BCAS1: variants seen among roughly 807,000 people sequenced by gnomAD.
The protein encoded by BCAS1 is breast carcinoma-amplified sequence 1.
Under a neutral mutation model 65.4 loss-of-function variants are expected in BCAS1, and 46 were observed. That is an observed-to-expected ratio of 0.70 (90% CI 0.55 to 0.90). BCAS1 has a LOEUF of 0.90. Among genes scored for constraint, BCAS1 ranks in the 40% least tolerant of loss-of-function variants. The pLI is 0.00. For missense variants in BCAS1, 793 were observed against 771.2 expected, an observed-to-expected ratio of 1.03 and a Z score of -0.33; for synonymous variants, 298 against 293.5, an observed-to-expected ratio of 1.02 and a Z score of -0.16.
At chr20:53,964,475 G>A (rs1450967932) in intron 10 of BCAS1, among the ~76,000 whole-genome samples, 1 of 152,182 alleles carries the variant, frequency 6.6e-6, no homozygotes. Context: ...CAAAGATAAT[G>A]TTCGTGTTCC....
chr20:54,052,995 A>G, intron 3 of BCAS1, among the ~76,000 whole-genome samples: 1 of 152,258 alleles, frequency 6.6e-6, no homozygotes, highest in East Asian at 1.9e-4. Flanking sequence ...AGACAAATTG[A>G]GGATACTAAT....
intron 11 of BCAS1, 132 bp downstream of exon 11, chr20:53,957,300 C>T: frequency 2.6e-6 from 2 of 781,052 alleles, no homozygotes; most frequent in Non-Finnish European, 4.4e-6. Flanking sequence ...TAGTTCTTGG[C>T]ATATAGTAGG....
At chr20:54,049,181 C>T (rs956375494) in intron 3 of BCAS1, among the ~76,000 whole-genome samples, 1 of 152,174 alleles carries the variant, frequency 6.6e-6, no homozygotes, top group Non-Finnish European at 1.5e-5. Flanking sequence ...TTAGAATTTT[C>T]AATCCAATAA....
intron 4 of BCAS1, among the ~76,000 whole-genome samples, chr20:54,018,285 C>G (rs1333974175): frequency 6.6e-6 from 1 of 152,088 alleles, no homozygotes; most frequent in African/African-American, 2.4e-5. Flanking sequence ...GGTCTCTCCA[C>G]TAGAAGGAAA....
At chr20:53,972,046 A>G (rs2090192952) in intron 9 of BCAS1, among the ~76,000 whole-genome samples, 1 of 152,038 alleles carries the variant, frequency 6.6e-6, no homozygotes, top group African/African-American at 2.4e-5. Flanking sequence ...TGTTGACATC[A>G]CTCTGTTTTT....
At chr20:54,030,925 A>T (rs1169237006) in intron 3 of BCAS1, among the ~76,000 whole-genome samples, 2 of 151,494 alleles carry the variant, frequency 1.3e-5, no homozygotes, top group African/African-American at 4.8e-5. Context: ...TAAGTGATAG[A>T]TGGATGCATC....
chr20:54,014,681 A>C (rs957753845), intron 4 of BCAS1, among the ~76,000 whole-genome samples: 1 of 152,206 alleles, frequency 6.6e-6, no homozygotes, highest in Admixed American at 6.5e-5. Context: ...AATGGTACAG[A>C]AACTCATGAC....
At chr20:53,949,240 T>A (rs2089436789) in intron 12 of BCAS1, among the ~76,000 whole-genome samples, 1 of 152,166 alleles carries the variant, frequency 6.6e-6, no homozygotes, top group South Asian at 2.1e-4. Flanking sequence ...TTTGTGACAT[T>A]TTCTTTTGTA....
chr20:53,980,570 C>A (rs1246585473), intron 8 of BCAS1, among the ~76,000 whole-genome samples: 1 of 152,150 alleles, frequency 6.6e-6, no homozygotes, highest in East Asian at 1.9e-4. Context: ...AAATGGAAAC[C>A]AATCTTCTTT....
chr20:53,983,780 CTTCAG>C (rs953015968), intron 8 of BCAS1, among the ~76,000 whole-genome samples: 1 of 152,204 alleles, frequency 6.6e-6, no homozygotes, highest in African/African-American at 2.4e-5. Context: ...TTAGCACCAC[CTTCAG>C]TTTGAGGCTT....
intron 8 of BCAS1, among the ~76,000 whole-genome samples, chr20:53,976,077 C>T (rs761884954): frequency 5.3e-5 from 8 of 152,152 alleles, no homozygotes; most frequent in African/African-American, 1.2e-4. Flanking sequence ...ATTCAAACAC[C>T]GTTTTACTCC....
intron 3 of BCAS1, among the ~76,000 whole-genome samples, chr20:54,047,644 A>G (rs1414876041): frequency 1.3e-5 from 2 of 152,174 alleles, no homozygotes; most frequent in African/African-American, 4.8e-5. Context: ...AGTGCAATGG[A>G]GGGAAAGAAG....
chr20:53,945,355 G>C (rs1160997743), intron 12 of BCAS1, among the ~76,000 whole-genome samples: 1 of 151,836 alleles, frequency 6.6e-6, no homozygotes, highest in African/African-American at 2.4e-5. Context: ...CCTCACTTTA[G>C]CTCCCTCCCC....
chr20:53,963,734 C>T (rs6013852), intron 10 of BCAS1, among the ~76,000 whole-genome samples: 6,310 of 152,232 alleles, frequency 0.041, 364 homozygotes, highest in African/African-American at 0.13. Context: ...GCTGTTAGGG[C>T]AGGTTTTTTC....
intron 1 of BCAS1, among the ~76,000 whole-genome samples, chr20:54,060,593 A>C (rs1338014833): frequency 6.6e-6 from 1 of 150,720 alleles, no homozygotes; most frequent in Admixed American, 6.6e-5. Context: ...AAGTGTTGGG[A>C]TTACAGGCAT....
At chr20:53,963,286 A>G (rs1455895402) in intron 10 of BCAS1, among the ~76,000 whole-genome samples, 11 of 151,874 alleles carry the variant, frequency 7.2e-5, no homozygotes, top group African/African-American at 1.2e-4. Context: ...GTTTGAGACC[A>G]GCCTGGCCAA....
intron 12 of BCAS1, among the ~76,000 whole-genome samples, chr20:53,950,238 C>T (rs1028931345): frequency 3.9e-5 from 6 of 152,194 alleles, no homozygotes; most frequent in African/African-American, 9.7e-5. Context: ...TCAGCAACCA[C>T]GGCCTTGTTT....
At chr20:53,967,702 C>T (rs1481159749) in intron 9 of BCAS1, among the ~76,000 whole-genome samples, 2 of 152,222 alleles carry the variant, frequency 1.3e-5, no homozygotes, top group Non-Finnish European at 2.9e-5. Context: ...TTGTTCGCGG[C>T]CCTGGCCACT....
At chr20:53,998,282 AT>A (rs769928948) in intron 4 of BCAS1, among the ~76,000 whole-genome samples, 1 of 152,118 alleles carries the variant, frequency 6.6e-6, no homozygotes, top group Non-Finnish European at 1.5e-5. Context: ...GTATTGGGCC[AT>A]TTTTTGCGTT....
Sources: allele counts gnomAD v4.1 joint callset (sites outside exome capture counted in the v4.1 genomes callset), GRCh38; gene constraint gnomAD v4.1.1; transcripts MANE v1.5; gene names NCBI Gene and HGNC (gene_info 2026-07-23, HGNC 2026-07-21).